Variants in CCSER1 observed in about 807,000 individuals in gnomAD.
The protein encoded by CCSER1 is coiled-coil serine rich protein 1.
Under a neutral mutation model 82.0 loss-of-function variants are expected in CCSER1, and 41 were observed. The ratio of observed to expected loss-of-function variants is 0.50; its 90% CI spans 0.39 to 0.65. The LOEUF is 0.65. Ranked by LOEUF, CCSER1 falls within the 30% of genes least tolerant of loss-of-function variation. The pLI, the probability that CCSER1 is intolerant of heterozygous loss-of-function variation, is 0.00. For missense variants in CCSER1, 1,119 were observed against 1,064.2 expected (o/e 1.05, Z -0.72); for synonymous variants, 414 against 383.9 (o/e 1.08, Z -0.92).
intron 10 of CCSER1, among the ~76,000 whole-genome samples, chr4:91,382,643 C>A (rs1173325347): frequency 6.6e-6 from 1 of 152,162 alleles, no homozygotes; most frequent in Non-Finnish European, 1.5e-5. Context: ...TTCCCTGACC[C>A]ATTGCGCTTC....
chr4:91,248,955 A>C (rs377221483), intron 10 of CCSER1, among the ~76,000 whole-genome samples: 191 of 152,240 alleles, frequency 1.3e-3, no homozygotes, highest in African/African-American at 4.4e-3. Flanking sequence ...GTTCCCTGAC[A>C]TTCTCTGTAG....
At chr4:91,082,700 A>G (rs1406924738) in intron 9 of CCSER1, among the ~76,000 whole-genome samples, 1 of 152,254 alleles carries the variant, frequency 6.6e-6, no homozygotes, top group Admixed American at 6.5e-5. Flanking sequence ...CAAAGAACTT[A>G]AACAGATTTA....
At chr4:90,534,436 G>C (rs972788051) in intron 5 of CCSER1, among the ~76,000 whole-genome samples, 1 of 137,906 alleles carries the variant, frequency 7.3e-6, no homozygotes, top group Non-Finnish European at 1.6e-5. Flanking sequence ...GGCTGTGCCA[G>C]CCTTTTGTGT....
At chr4:90,474,098 G>A (rs534968871) in intron 5 of CCSER1, among the ~76,000 whole-genome samples, 3 of 148,126 alleles carry the variant, frequency 2.0e-5, no homozygotes, top group African/African-American at 2.5e-5. Context: ...CCGAGATTGC[G>A]CCACTGCACT....
intron 6 of CCSER1, among the ~76,000 whole-genome samples, chr4:90,719,242 G>A (rs901570709): frequency 2.0e-5 from 3 of 152,076 alleles, no homozygotes; most frequent in African/African-American, 2.4e-5. Flanking sequence ...TGTGAACTGC[G>A]CATGCGAGGT....
chr4:90,895,533 A>G (rs1387422162), intron 8 of CCSER1, among the ~76,000 whole-genome samples: 2 of 151,976 alleles, frequency 1.3e-5, no homozygotes, highest in East Asian at 1.9e-4. Context: ...ACAGAAAACC[A>G]TTTGTACTGT....
At chr4:91,358,720 G>A (rs1749037844) in intron 10 of CCSER1, among the ~76,000 whole-genome samples, 1 of 152,124 alleles carries the variant, frequency 6.6e-6, no homozygotes, top group African/African-American at 2.4e-5. Flanking sequence ...CCAAGTGCCA[G>A]TTCCTTCCTG....
chr4:90,924,203 T>C (rs1276842107), intron 9 of CCSER1, among the ~76,000 whole-genome samples: 1 of 152,168 alleles, frequency 6.6e-6, no homozygotes, highest in Non-Finnish European at 1.5e-5. Context: ...ACATTTATTC[T>C]TATTTTTAGC....
intron 8 of CCSER1, among the ~76,000 whole-genome samples, chr4:90,883,454 C>T (rs971113163): frequency 3.3e-5 from 5 of 151,736 alleles, no homozygotes; most frequent in Admixed American, 1.3e-4. Flanking sequence ...TAAAGAATGA[C>T]AATATGGAGT....
intron 7 of CCSER1, among the ~76,000 whole-genome samples, chr4:90,769,378 T>C (rs1014745380): frequency 1.8e-4 from 28 of 152,148 alleles, no homozygotes; most frequent in African/African-American, 5.8e-4. Flanking sequence ...AGAATTATGC[T>C]GATAGGGAGT....
At chr4:91,148,331 C>T (rs952774691) in intron 10 of CCSER1, among the ~76,000 whole-genome samples, 1 of 151,764 alleles carries the variant, frequency 6.6e-6, no homozygotes, top group African/African-American at 2.4e-5. Flanking sequence ...TAAGATATAC[C>T]ACGCAGAGTT....
intron 7 of CCSER1, among the ~76,000 whole-genome samples, chr4:90,748,992 G>A (rs1434527294): frequency 6.0e-5 from 9 of 149,940 alleles, no homozygotes; most frequent in Non-Finnish European, 7.5e-5. Flanking sequence ...TAGGTTGCCT[G>A]TTCACTCTGA....
chr4:90,403,277 A>G (rs1175298870), intron 4 of CCSER1, among the ~76,000 whole-genome samples: 1 of 152,072 alleles, frequency 6.6e-6, no homozygotes, highest in East Asian at 1.9e-4. Flanking sequence ...AGGCGGGTGG[A>G]TCACGAGGTC....
intron 5 of CCSER1, among the ~76,000 whole-genome samples, chr4:90,586,967 G>T (rs1189335930): frequency 6.6e-6 from 1 of 152,182 alleles, no homozygotes; most frequent in Non-Finnish European, 1.5e-5. Flanking sequence ...GATTATCCCG[G>T]ATTACCTTCG....
intron 10 of CCSER1, among the ~76,000 whole-genome samples, chr4:91,291,131 A>G (rs1264327360): frequency 6.6e-6 from 1 of 151,820 alleles, no homozygotes; most frequent in Non-Finnish European, 1.5e-5. Context: ...TAAGCACCCA[A>G]GACGGTGCTG....
At chr4:91,168,181 T>G in intron 10 of CCSER1, among the ~76,000 whole-genome samples, 1 of 81,298 alleles carries the variant, frequency 1.2e-5, no homozygotes, top group South Asian at 4.5e-4. Context: ...CGGCCGCCCA[T>G]CGTCTGGGAA....
At position 90,400,158 on chromosome 4, in the gene CCSER1, T is replaced by C. The variant is rs373118465; in HGVS notation, c.1603+29T>C. On this transcript the variant is annotated intron_variant, in intron 4 of 10. Transcript: ENST00000509176. ...AGTGTTAAAGAGATGAATAATATCA[T>C]ACAACTCCTACCCTGGTCAGTAGCT... 1.3e-5 allele frequency: 16 copies of C among 1,241,564 alleles called. No individual in the cohort carries two copies. The African/African-American group carries it at 1.9e-4, about 15-fold the overall frequency. 76.9% of individuals were successfully genotyped at this position (1,241,564 alleles called of 1,614,324 possible).
intron 1 of CCSER1, among the ~76,000 whole-genome samples, chr4:90,271,856 ATATATATT>A (rs1726501085): frequency 1.1e-4 from 3 of 26,088 alleles, no homozygotes; most frequent in East Asian, 3.8e-3. Flanking sequence ...ATATATATAT[ATATATATT>A]TTTTTTTTTT....
chr4:91,309,089 TCTC>T (rs1745266082), intron 10 of CCSER1, among the ~76,000 whole-genome samples: 3 of 152,068 alleles, frequency 2.0e-5, no homozygotes, highest in Non-Finnish European at 2.9e-5. Flanking sequence ...TAAAGTATTT[TCTC>T]CTCCTCTTTT....
Sources: gnomAD v4.1 joint callset for allele counts (sites outside exome capture counted in the v4.1 genomes callset) on GRCh38, gnomAD v4.1.1 for gene constraint, MANE v1.5 for transcripts, NCBI Gene and HGNC (gene_info 2026-07-23, HGNC 2026-07-21) for gene names.